The following TNPO1 variants were observed in gnomAD, a reference collection of about 807,000 sequenced individuals.
The protein encoded by TNPO1 is transportin 1.
In TNPO1, 8 loss-of-function variants were observed where a neutral mutation model predicts 119.5. That is an observed-to-expected ratio of 0.07 (90% CI 0.04 to 0.12). TNPO1 has a LOEUF of 0.12. Among genes scored for constraint, TNPO1 ranks in the 10% least tolerant of loss-of-function variants. The probability of loss-of-function intolerance (pLI) is 1.00; values close to 1 mark genes in which losing one functional copy is unlikely to be tolerated. For synonymous variants in TNPO1, 362 were observed against 363.0 expected (o/e 1.00, Z 0.03); for missense variants, 576 against 1,089.8 (o/e 0.53, Z 6.64).
At chr5:72,827,750 CA>C (rs200889816) in intron 1 of TNPO1, among the ~76,000 whole-genome samples, 1 of 151,428 alleles carries the variant, frequency 6.6e-6, no homozygotes, top group African/African-American at 2.4e-5. Flanking sequence ...CCTGTCTCCA[CA>C]AAAAAATTTT....
rs894125708 is a variant in TNPO1 at position 72,912,188 on chromosome 5, T to C, written c.*3515T>C. On this transcript the variant is annotated 3_prime_UTR_variant, in exon 25 of 25. Transcript: ENST00000337273. ...ACATTATTGCTACTTGATTTTGTTATGCAAGTTAGATTTCAGAAGAATAGA... is the reference window on the plus strand; with the variant it reads ...ACATTATTGCTACTTGATTTTGTTACGCAAGTTAGATTTCAGAAGAATAGA... The C allele has an allele frequency of 2.6e-5, 4 of 152,566 alleles. No individual in the cohort carries two copies. The highest frequency in any genetic ancestry group is 6.5e-5 in the Admixed American group (1 of 15,272). The allele number at this position is 152,566 out of a possible 1,614,324, so 9.5% of individuals were successfully genotyped here.
chr5:72,861,120 AG>A (rs1411112785), intron 4 of TNPO1, among the ~76,000 whole-genome samples: 5 of 152,116 alleles, frequency 3.3e-5, no homozygotes, highest in Non-Finnish European at 7.4e-5. Context: ...CATGTTGGTC[AG>A]GCTGGTCTTG....
chr5:72,903,361 G>A (rs1561362655), intron 22 of TNPO1, among the ~76,000 whole-genome samples: 1 of 152,056 alleles, frequency 6.6e-6, no homozygotes, highest in East Asian at 1.9e-4. Context: ...TTGGTTTTAT[G>A]TTTTTCTTTA....
chr5:72,875,947 G>C (rs1237320294), intron 8 of TNPO1, among the ~76,000 whole-genome samples: 1 of 152,124 alleles, frequency 6.6e-6, no homozygotes, highest in African/African-American at 2.4e-5. Flanking sequence ...ATGTTATCTA[G>C]AGCCTCCTTT....
chr5:72,856,724 G>A lies in TNPO1; in HGVS notation c.355+801G>A, dbSNP rs144887873. 4.3e-3 allele frequency among the ~76,000 whole-genome samples: 661 copies of A among 152,200 alleles called. 6 individuals are homozygous for A. Among genetic ancestry groups the A allele is most frequent in the Admixed American group, 0.013 (195 of 15,296 alleles). ...AGCAACTTTTTAGTCTTTTCAGAGCGTTCAGCTTATTTTCAGGGGCAGTAC... is the reference window on the plus strand; with the variant it reads ...AGCAACTTTTTAGTCTTTTCAGAGCATTCAGCTTATTTTCAGGGGCAGTAC... On this transcript the variant is annotated intron_variant, in intron 4 of 24. Transcript: ENST00000337273.
chr5:72,837,437 C>T (rs1044481316), intron 1 of TNPO1, among the ~76,000 whole-genome samples: 10 of 152,148 alleles, frequency 6.6e-5, no homozygotes, highest in African/African-American at 9.7e-5. Context: ...ATTCCATTCA[C>T]GAGGGCAGAG....
chr5:72,841,205 C>T (rs1249338344), intron 1 of TNPO1, among the ~76,000 whole-genome samples: 3 of 151,508 alleles, frequency 2.0e-5, no homozygotes, highest in African/African-American at 7.3e-5. Context: ...ACTGCAAGCT[C>T]CACCTCCTTG....
At chr5:72,896,940 T>C (rs752833226) in intron 19 of TNPO1, 116 bp from the exon 20 acceptor site, 11 of 486,232 alleles carry the variant, frequency 2.3e-5, no homozygotes, top group Non-Finnish European at 3.6e-5. Flanking sequence ...TAATTATTTG[T>C]ATTTCTATAT....
intron 9 of TNPO1, among the ~76,000 whole-genome samples, chr5:72,880,755 G>A (rs1748180881): frequency 6.9e-6 from 1 of 145,834 alleles, no homozygotes; most frequent in African/African-American, 2.5e-5. Context: ...AGTGGAGATT[G>A]CAGTGAGCCA....
intron 6 of TNPO1, among the ~76,000 whole-genome samples, chr5:72,868,762 A>G (rs995949356): frequency 1.3e-5 from 2 of 151,672 alleles, no homozygotes; most frequent in Non-Finnish European, 2.9e-5. Context: ...CAGTTACTTA[A>G]AGTTTAGGCT....
intron 1 of TNPO1, 130 bp from the exon 2 acceptor site, chr5:72,848,255 C>T: frequency 7.7e-7 from 1 of 1,306,558 alleles, no homozygotes; most frequent in African/African-American, 1.5e-5. Flanking sequence ...CAGGCAGGTC[C>T]GCGGCGTTTG....
intron 6 of TNPO1, among the ~76,000 whole-genome samples, chr5:72,870,070 A>G (rs1375780171): frequency 1.3e-5 from 2 of 151,542 alleles, no homozygotes; most frequent in Non-Finnish European, 2.9e-5. Flanking sequence ...GTCAAGTTTT[A>G]TGAAAAGCCT....
intron 3 of TNPO1, among the ~76,000 whole-genome samples, chr5:72,853,705 T>TAGTTTTCC (rs1194548917): frequency 6.6e-6 from 1 of 152,040 alleles, no homozygotes; most frequent in Non-Finnish European, 1.5e-5. Flanking sequence ...TTGCTGCATG[T>TAGTTTTCC]AGTTTTCCAT....
intron 6 of TNPO1, among the ~76,000 whole-genome samples, chr5:72,869,577 T>C (rs1389817246): frequency 6.6e-6 from 1 of 152,048 alleles, no homozygotes; most frequent in African/African-American, 2.4e-5. Context: ...TTTTACCTTA[T>C]AAAAATATGA....
chr5:72,821,341 T>C (rs1296842700), intron 1 of TNPO1, among the ~76,000 whole-genome samples: 1 of 152,198 alleles, frequency 6.6e-6, no homozygotes, highest in Non-Finnish European at 1.5e-5. Flanking sequence ...CCACCACTTT[T>C]GTTTTTACTA....
intron 2 of TNPO1, among the ~76,000 whole-genome samples, chr5:72,849,011 C>G (rs1030215140): frequency 3.9e-5 from 6 of 152,080 alleles, no homozygotes; most frequent in Admixed American, 6.5e-5. Context: ...TGAACTGCAG[C>G]TGTGTGGGTC....
At chr5:72,869,937 G>A (rs576213477) in intron 6 of TNPO1, among the ~76,000 whole-genome samples, 3 of 152,106 alleles carry the variant, frequency 2.0e-5, no homozygotes, top group South Asian at 2.1e-4. Flanking sequence ...GATATCCATA[G>A]CATTCCAAGT....
At chr5:72,858,729 C>T (rs1250751680) in intron 4 of TNPO1, among the ~76,000 whole-genome samples, 2 of 151,668 alleles carry the variant, frequency 1.3e-5, no homozygotes, top group East Asian at 3.9e-4. Flanking sequence ...CCCAGCTACT[C>T]TGGAGGCTGA....
At chr5:72,896,604 T>G in intron 19 of TNPO1, 48 bp downstream of exon 19, 1 of 1,476,756 alleles carries the variant, frequency 6.8e-7, no homozygotes, top group Non-Finnish European at 9.4e-7. Flanking sequence ...GCGCGGTGGC[T>G]CACGCCTGTA....
Sources: allele counts gnomAD v4.1 joint callset (sites outside exome capture counted in the v4.1 genomes callset), GRCh38; gene constraint gnomAD v4.1.1; transcripts MANE v1.5; gene names NCBI Gene and HGNC (gene_info 2026-07-23, HGNC 2026-07-21).